Variants in ZNRF3 observed in about 807,000 individuals in gnomAD.
ZNRF3 encodes the protein E3 ubiquitin-protein ligase ZNRF3.
A neutral mutation model predicts 72.5 loss-of-function variants in ZNRF3; 23 were observed. The ratio of observed to expected loss-of-function variants is 0.32; its 90% confidence interval spans 0.23 to 0.45. ZNRF3 has a LOEUF of 0.45. Among genes scored for constraint, ZNRF3 ranks in the 20% least tolerant of loss-of-function variants. The probability of loss-of-function intolerance (pLI) is 1.00; values close to 1 mark genes in which losing one functional copy is unlikely to be tolerated. For missense variants in ZNRF3, 1,169 were observed against 1,272.1 expected, an observed-to-expected ratio of 0.92 and a Z score of 1.23; for synonymous variants, 610 against 545.3, an observed-to-expected ratio of 1.12 and a Z score of -1.65.
At chr22:28,946,241 G>A (rs1252384374) in intron 1 of ZNRF3, among the ~76,000 whole-genome samples, 1 of 152,152 alleles carries the variant, frequency 6.6e-6, no homozygotes, top group Non-Finnish European at 1.5e-5. Flanking sequence ...AGAATATTTT[G>A]TCTAAAGCTA....
chr22:29,010,135 T>G (rs543741373), intron 2 of ZNRF3, among the ~76,000 whole-genome samples: 4 of 152,174 alleles, frequency 2.6e-5, no homozygotes, highest in African/African-American at 9.6e-5. Flanking sequence ...GGTCTCGATC[T>G]CCTGACCTCG....
chr22:28,928,516 C>A (rs184998550), intron 1 of ZNRF3, among the ~76,000 whole-genome samples: 1,623 of 108,390 alleles, frequency 0.015, 20 homozygotes, highest in Middle Eastern at 0.091. Context: ...TTTTTTTTGA[C>A]GGAGTCTTGC....
intron 4 of ZNRF3, 73 bp from the exon 5 acceptor site, chr22:29,044,707 G>A (rs193266630): frequency 0.017 from 17,637 of 1,056,962 alleles, 241 homozygotes; most frequent in African/African-American, 0.059. Flanking sequence ...TCCTGACAAA[G>A]CCAAGATAGC....
rs144871816 is a variant in ZNRF3, at chr22:28,976,674, C to G, written c.301-10402C>G. 2.4e-3 allele frequency among the ~76,000 whole-genome samples: 370 copies of G among 152,182 alleles called. 1 individual carries two copies. Among genetic ancestry groups the G allele is most frequent in the African/African-American group, 8.5e-3 (354 of 41,530 alleles). On this transcript the variant is annotated intron_variant, in intron 1 of 8. Transcript: ENST00000544604. ...CACCTAATCCTTTTCATAATAAGAACGATCAAATGTCCTTTATAAGTTGCC... is the reference window on the plus strand; with the variant it reads ...CACCTAATCCTTTTCATAATAAGAAGGATCAAATGTCCTTTATAAGTTGCC...
At chr22:28,890,524 C>T (rs1399687083) in intron 1 of ZNRF3, among the ~76,000 whole-genome samples, 1 of 151,980 alleles carries the variant, frequency 6.6e-6, no homozygotes, top group African/African-American at 2.4e-5. Context: ...AAAAAGAAAT[C>T]TGTGTGGGGT....
At chr22:28,945,809 T>C (rs2035044016) in intron 1 of ZNRF3, among the ~76,000 whole-genome samples, 1 of 152,020 alleles carries the variant, frequency 6.6e-6, no homozygotes. Context: ...ATTATAGGCA[T>C]GAGCCACTGT....
chr22:29,045,564 C>G (rs756323370), intron 5 of ZNRF3, among the ~76,000 whole-genome samples: 4 of 152,184 alleles, frequency 2.6e-5, no homozygotes, highest in Non-Finnish European at 5.9e-5. Flanking sequence ...TCTCGGCTCA[C>G]TGCAACCTCC....
At position 29,030,185 on chromosome 22, in the gene ZNRF3, A is replaced by G. The variant is rs1015065113; in HGVS notation, c.427-12310A>G. Among the ~76,000 whole-genome samples the G allele has an allele frequency of 6.6e-6, 1 of 152,084 alleles. No individual in the cohort carries two copies. The highest frequency in any genetic ancestry group is 1.5e-5 in the Non-Finnish European group (1 of 68,038). ...GGTGCTCCTTGTCAGGTGTTAAAAC[A>G]AAGAGGATCATTGTGTTTCTTGGAA... On this transcript the variant is annotated intron_variant, in intron 2 of 8. Coordinates refer to ENST00000544604, the MANE Select transcript of ZNRF3 (RefSeq NM_001206998.2). This position sits in a 1 kb window ranked among gnomAD's most constrained non-coding sequence, Gnocchi z 4.2.
At chr22:28,922,350 A>G (rs893036424) in intron 1 of ZNRF3, among the ~76,000 whole-genome samples, 2 of 152,210 alleles carry the variant, frequency 1.3e-5, no homozygotes, top group Non-Finnish European at 2.9e-5. Flanking sequence ...CCCCTTCAAG[A>G]TGAAAGTAAA....
At position 28,884,000 on chromosome 22, in the gene ZNRF3, C is replaced by T; in HGVS notation, c.234C>T (p.Thr78=). The T allele has an allele frequency of 2.3e-6, 3 of 1,332,664 alleles. No homozygotes were observed. Among genetic ancestry groups the T allele is most frequent in the Non-Finnish European group, 2.9e-6 (3 of 1,025,012 alleles). 82.6% of individuals were successfully genotyped at this position (1,332,664 alleles called of 1,614,324 possible). The change falls in exon 1 of 9, where the codon ACC becomes ACT. Residue 78 remains threonine, a synonymous_variant. Transcript: ENST00000544604. This position sits in a 1 kb window ranked among gnomAD's most constrained non-coding sequence, Gnocchi z 5.5. ...SSPSGDYTTY[T]TGLTGRFSRA... is the part of the protein sequence containing the mutation. ...CAAGCGGCGATTACACCACCTACACCACCGGCCTCACGGGCCGCTTCTCGC... is the reference window on the plus strand; with the variant it reads ...CAAGCGGCGATTACACCACCTACACTACCGGCCTCACGGGCCGCTTCTCGC...
chr22:28,886,833 G>C (rs1213649021), intron 1 of ZNRF3, among the ~76,000 whole-genome samples: 3 of 151,998 alleles, frequency 2.0e-5, no homozygotes, highest in Non-Finnish European at 4.4e-5. Flanking sequence ...GTGTGCACCT[G>C]TAGTCCCAGC....
chr22:29,013,495 T>G (rs1278161212), intron 2 of ZNRF3, among the ~76,000 whole-genome samples: 1 of 152,208 alleles, frequency 6.6e-6, no homozygotes, highest in Non-Finnish European at 1.5e-5. Flanking sequence ...CTTGCCCTTT[T>G]GTCTTTGATT....
At chr22:29,009,429 G>A (rs1365868871) in intron 2 of ZNRF3, among the ~76,000 whole-genome samples, 1 of 152,138 alleles carries the variant, frequency 6.6e-6, no homozygotes, top group East Asian at 1.9e-4. Flanking sequence ...TCTGTCATAA[G>A]AGTAGAGTTT....
At chr22:28,887,249 T>A (rs1405442462) in intron 1 of ZNRF3, among the ~76,000 whole-genome samples, 2 of 151,680 alleles carry the variant, frequency 1.3e-5, no homozygotes, top group African/African-American at 4.8e-5. Flanking sequence ...TGTGTGTGTG[T>A]GTGTGTGTGT....
Position 29,049,216 on chromosome 22 carries a change from C to A in ZNRF3, c.1035C>A (p.Ser345Arg). ...CTCCAGAACAAAAGGGAAACCCAAG[C>A]GCGGTGTGTGTGGAGACCAGCAACC... ...HNIIEQKGNP[S>R]AVCVETSNLS... The change falls in exon 8 of 9, where the codon AGC becomes AGA. Residue 345 changes from serine (S) to arginine (R), a missense_variant. Ser to Arg is a moderately radical substitution (Grantham distance 110, BLOSUM62 -1). Around this residue, in one of 2 missense-constraint regions of ZNRF3, gnomAD observed 386 missense variants for 540.7 expected, o/e 0.71. Transcript: ENST00000544604. The surrounding 1 kb of genome is among the most constrained non-coding windows in gnomAD (Gnocchi z 5.2). 1.2e-6 allele frequency: 2 copies of A among 1,604,280 alleles called. No individual in the cohort carries two copies. Among genetic ancestry groups the A allele is most frequent in the Non-Finnish European group, 8.5e-7 (1 of 1,174,490 alleles).
intron 1 of ZNRF3, among the ~76,000 whole-genome samples, chr22:28,979,184 G>T (rs532214881): frequency 1.3e-5 from 2 of 152,320 alleles, no homozygotes; most frequent in Admixed American, 1.3e-4. Flanking sequence ...TGGTTGCAAA[G>T]CCATCGTCCT....
In ZNRF3 at chr22:29,053,593, TCAG is replaced by T; in HGVS notation, c.2786_2788del (p.Ala929del). On this transcript the variant is annotated inframe_deletion, in exon 9 of 9. Coordinates refer to ENST00000544604, the MANE Select transcript of ZNRF3 (RefSeq NM_001206998.2). ...CTCTTTCCCAGGACCGAGATCTCAC[TCAG>T]CAGACAGCAGCAGCCCGGGAGCCTG... 6.2e-7 allele frequency: 1 copy of T among 1,613,742 alleles called. No individual in the cohort carries two copies. The highest frequency in any genetic ancestry group is 8.5e-7 in the Non-Finnish European group (1 of 1,179,776).
intron 2 of ZNRF3, among the ~76,000 whole-genome samples, chr22:29,016,516 A>G (rs1385811140): frequency 6.6e-6 from 1 of 152,188 alleles, no homozygotes; most frequent in African/African-American, 2.4e-5. Flanking sequence ...ATAAAGGTTA[A>G]TTTAAGGACC....
At chr22:28,952,855 G>A (rs529036659) in intron 1 of ZNRF3, among the ~76,000 whole-genome samples, 1 of 152,308 alleles carries the variant, frequency 6.6e-6, no homozygotes, top group Non-Finnish European at 1.5e-5. Flanking sequence ...TGAGTCTGCT[G>A]GTATGAGAGC....
Sources: gnomAD v4.1 joint callset for allele counts (sites outside exome capture counted in the v4.1 genomes callset) on GRCh38, gnomAD v4.1.1 for gene constraint, gnomAD v4.1.1 regional missense constraint, Gnocchi (gnomAD v3.1) non-coding constraint, MANE v1.5 for transcripts, NCBI Gene and HGNC (gene_info 2026-07-23, HGNC 2026-07-21) for gene names.